The following C4orf36 variants were observed in gnomAD, a reference collection of about 807,000 sequenced individuals.
C4orf36 encodes the protein chromosome 4 open reading frame 36, also known as uncharacterized protein C4orf36.
C4orf36 carries 11 observed loss-of-function variants against 12.2 expected under a neutral mutation model. The observed-to-expected ratio is 0.90, with a 90% CI of 0.57 to 1.49. The LOEUF (loss-of-function observed/expected upper bound fraction) is 1.49, where lower values mean the gene tolerates loss of function less well. Ranked by LOEUF, C4orf36 falls within the 40% of genes most tolerant of loss-of-function variation. The pLI is 0.00. For missense variants in C4orf36, 137 were observed against 133.9 expected (o/e 1.02, Z -0.11); for synonymous variants, 54 against 51.3 (o/e 1.05, Z -0.22).
intron 4 of C4orf36, among the ~76,000 whole-genome samples, chr4:86,878,116 A>T (rs1484438587): frequency 6.6e-6 from 1 of 151,768 alleles, no homozygotes; most frequent in Middle Eastern, 3.2e-3. Context: ...CAGATTCTCT[A>T]AAAAAATTGG....
At chr4:86,913,534 G>T in the C4orf36 span, 1 of 908,952 alleles carries the variant, frequency 1.1e-6, no homozygotes, top group South Asian at 1.4e-5. Flanking sequence ...AGGCAGCCTC[G>T]GTCATCGAAA....
intron 3 of C4orf36, 68 bp downstream of exon 3, chr4:86,888,053 A>C (rs969742171): frequency 1.6e-5 from 25 of 1,572,356 alleles, no homozygotes; most frequent in Non-Finnish European, 2.2e-5. Context: ...ACAGATTTAA[A>C]CATTTCTCTG....
the C4orf36 span, among the ~76,000 whole-genome samples, chr4:86,930,712 C>A: frequency 6.6e-6 from 1 of 152,172 alleles, no homozygotes; most frequent in Non-Finnish European, 1.5e-5. Flanking sequence ...CATTCACAGT[C>A]CCCACTGGAT....
At chr4:86,899,016 A>G in the C4orf36 span, among the ~76,000 whole-genome samples, 1 of 151,990 alleles carries the variant, frequency 6.6e-6, no homozygotes, top group East Asian at 1.9e-4. Context: ...ACTTGAGCCC[A>G]GGAGGTCAAG....
At chr4:86,921,165 C>CA in the C4orf36 span, among the ~76,000 whole-genome samples, 5,792 of 94,804 alleles carry the variant, frequency 0.061, 377 homozygotes, top group African/African-American at 0.19. Flanking sequence ...AACTCCTTCT[C>CA]AAAAAAAAAA....
At chr4:86,907,420 G>T in the C4orf36 span, among the ~76,000 whole-genome samples, 1 of 152,116 alleles carries the variant, frequency 6.6e-6, no homozygotes, top group African/African-American at 2.4e-5. Flanking sequence ...TAATAGCAGG[G>T]TGATGAAATA....
intron 4 of C4orf36, among the ~76,000 whole-genome samples, chr4:86,880,783 T>C (rs1024653870): frequency 6.6e-6 from 1 of 152,182 alleles, no homozygotes; most frequent in Non-Finnish European, 1.5e-5. Context: ...GGCTCATGCC[T>C]GTAGTCCTAG....
the C4orf36 span, among the ~76,000 whole-genome samples, chr4:86,908,606 C>T: frequency 6.6e-6 from 1 of 151,830 alleles, no homozygotes. Context: ...TACACTCTCT[C>T]TCTCTCTCTC....
chr4:86,908,370 A>C, the C4orf36 span, among the ~76,000 whole-genome samples: 1 of 152,090 alleles, frequency 6.6e-6, no homozygotes, highest in Non-Finnish European at 1.5e-5. Context: ...ACGTAACTAC[A>C]AGTTCTATTT....
chr4:86,904,807 A>C, the C4orf36 span, among the ~76,000 whole-genome samples: 2 of 152,154 alleles, frequency 1.3e-5, no homozygotes, highest in Non-Finnish European at 2.9e-5. Context: ...TCTCCAAAAG[A>C]GAAGCTACAA....
At chr4:86,887,040 A>G (rs992421114) in intron 4 of C4orf36, 1 of 151,262 alleles carries the variant, frequency 6.6e-6, no homozygotes, top group Non-Finnish European at 1.5e-5. Flanking sequence ...GCATGTTCTC[A>G]CTCATAGGTG....
chr4:86,892,231 G>T lies in C4orf36; in HGVS notation c.-122C>A, dbSNP rs1747448740. ...TCGCCAGGAATGCGCTGTGTGCGCG[G>T]GGCTTCCAGGGTGGCGGGTCCCCGC... is the stretch of plus-strand genomic sequence containing the variant. On this transcript the variant is annotated 5_prime_UTR_variant, in exon 1 of 5. Transcript: ENST00000295898. The T allele has an allele frequency of 1.0e-6, 1 of 985,746 alleles. No homozygotes were observed. Among genetic ancestry groups the T allele is most frequent in the Non-Finnish European group, 1.2e-6 (1 of 830,202 alleles). The allele number at this position is 985,746 out of a possible 1,614,324, so 61.1% of individuals were successfully genotyped here.
At chr4:86,876,990 T>G (rs1257872507) in intron 4 of C4orf36, among the ~76,000 whole-genome samples, 1 of 152,210 alleles carries the variant, frequency 6.6e-6, no homozygotes, top group African/African-American at 2.4e-5. Context: ...TTTACAGTTT[T>G]CAAATAAATT....
At chr4:86,906,402 C>T in the C4orf36 span, among the ~76,000 whole-genome samples, 4 of 152,054 alleles carry the variant, frequency 2.6e-5, no homozygotes, top group Non-Finnish European at 4.4e-5. Flanking sequence ...CTCAAATATT[C>T]GGATTCAGAT....
upstream of C4orf36, among the ~76,000 whole-genome samples, chr4:86,893,809 T>C (rs957405656): frequency 1.3e-5 from 2 of 152,108 alleles, no homozygotes; most frequent in Non-Finnish European, 2.9e-5. Context: ...CCACAAAGAA[T>C]GTTGAAACCC....
At position 86,891,402 on chromosome 4, in the gene C4orf36, C is replaced by T. The variant is rs191026916; in HGVS notation, c.65+54G>A. 6.2e-4 allele frequency: 958 copies of T among 1,544,694 alleles called. 5 individuals carry two copies. The highest frequency in any genetic ancestry group is 5.4e-3 in the South Asian group (483 of 89,440). On this transcript the variant is annotated intron_variant, in intron 2 of 4. Transcript: ENST00000295898. The stretch of plus-strand genomic sequence containing the variant: ...CCAGTCCTTTTATTTAACAAAGACA[C>T]TCCCCACCGCAGTCAATGCTTACCC...
chr4:86,904,865 C>T, the C4orf36 span, among the ~76,000 whole-genome samples: 1 of 152,084 alleles, frequency 6.6e-6, no homozygotes, highest in South Asian at 2.1e-4. Context: ...GAATTGTGCC[C>T]CCTCAAAATT....
the C4orf36 span, among the ~76,000 whole-genome samples, chr4:86,930,896 A>T: frequency 9.1e-4 from 138 of 152,322 alleles, no homozygotes; most frequent in African/African-American, 3.3e-3. Context: ...TCTTACAGCA[A>T]GTTCACATTT....
At chr4:86,877,782 C>A (rs1037607655) in intron 4 of C4orf36, among the ~76,000 whole-genome samples, 108 of 152,258 alleles carry the variant, frequency 7.1e-4, no homozygotes, top group African/African-American at 2.3e-3. Flanking sequence ...AAACTATGGA[C>A]CTACATGGAT....
Sources: allele counts gnomAD v4.1 joint callset (sites outside exome capture counted in the v4.1 genomes callset), GRCh38; gene constraint gnomAD v4.1.1; transcripts MANE v1.5; gene names NCBI Gene and HGNC (gene_info 2026-07-23, HGNC 2026-07-21).